CCDC178: variants seen among roughly 807,000 people sequenced by gnomAD.
CCDC178 encodes the protein coiled-coil domain-containing protein 178.
Under a neutral mutation model 117.4 loss-of-function variants are expected in CCDC178, and 126 were observed. The observed-to-expected ratio is 1.07, with a 90% CI of 0.93 to 1.24. CCDC178 has a LOEUF of 1.24. CCDC178 is among the 50% of genes most tolerant of loss of function. The pLI is 0.00. For synonymous variants in CCDC178, 283 were observed against 313.4 expected, an observed-to-expected ratio of 0.90 and a Z score of 1.02; for missense variants, 1,030 against 986.9, an observed-to-expected ratio of 1.04 and a Z score of -0.59.
chr18:32,991,055 A>G (rs938311095), intron 21 of CCDC178, among the ~76,000 whole-genome samples: 2 of 151,762 alleles, frequency 1.3e-5, no homozygotes, highest in African/African-American at 4.8e-5. Flanking sequence ...AGCATTTGCT[A>G]TATGCCAGGC....
intron 5 of CCDC178, among the ~76,000 whole-genome samples, chr18:33,374,099 G>C (rs182854548): frequency 1.3e-5 from 2 of 152,254 alleles, no homozygotes; most frequent in African/African-American, 4.8e-5. Flanking sequence ...GAGAAAAACA[G>C]AGCACAGTGA....
At chr18:33,043,023 G>A (rs185026677) in intron 21 of CCDC178, among the ~76,000 whole-genome samples, 2 of 151,832 alleles carry the variant, frequency 1.3e-5, no homozygotes, top group African/African-American at 4.8e-5. Flanking sequence ...AAAGAAAATC[G>A]AAAGTAAAGC....
Position 33,138,961 on chromosome 18 carries a change from C to T in CCDC178, c.2239-46051G>A, listed in dbSNP as rs142427246. Among the ~76,000 whole-genome samples the T allele has an allele frequency of 5.3e-3, 803 of 152,268 alleles. 7 individuals are homozygous for T. Among genetic ancestry groups the T allele is most frequent in the Non-Finnish European group, 6.2e-3 (423 of 68,024 alleles). On this transcript the variant is annotated intron_variant, in intron 20 of 22. Coordinates refer to ENST00000383096, the MANE Select transcript of CCDC178 (RefSeq NM_001105528.4). The stretch of plus-strand genomic sequence containing the variant: ...GTGATATGGTTTGGCTGTGTCCCCA[C>T]CCAAATCATATCGTGAATTGTAACT...
At chr18:33,087,424 G>A (rs1004852768) in intron 21 of CCDC178, among the ~76,000 whole-genome samples, 4 of 152,130 alleles carry the variant, frequency 2.6e-5, no homozygotes, top group African/African-American at 4.8e-5. Flanking sequence ...CACAGGTCTC[G>A]TGAGGAAAAC....
At chr18:33,300,733 A>G (rs2062166477) in intron 11 of CCDC178, among the ~76,000 whole-genome samples, 1 of 152,202 alleles carries the variant, frequency 6.6e-6, no homozygotes, top group Non-Finnish European at 1.5e-5. Flanking sequence ...AGAAATTTCT[A>G]AGCAGCAAAG....
chr18:32,942,550 C>G (rs1260890580), intron 22 of CCDC178, among the ~76,000 whole-genome samples: 1 of 152,012 alleles, frequency 6.6e-6, no homozygotes, highest in African/African-American at 2.4e-5. Context: ...AGAAACTAGT[C>G]ATGCTGACTG....
At chr18:33,172,639 G>A (rs1391135799) in intron 20 of CCDC178, among the ~76,000 whole-genome samples, 6 of 151,972 alleles carry the variant, frequency 3.9e-5, no homozygotes, top group Non-Finnish European at 7.4e-5. Context: ...TATAACCCTG[G>A]TGCTTTTAGA....
intron 22 of CCDC178, among the ~76,000 whole-genome samples, chr18:32,941,341 A>C (rs1041419911): frequency 3.3e-5 from 5 of 152,104 alleles, no homozygotes; most frequent in African/African-American, 1.2e-4. Flanking sequence ...ATATGAGCTG[A>C]GAGTGAAAAT....
intron 21 of CCDC178, among the ~76,000 whole-genome samples, chr18:32,975,643 C>T (rs1367914410): frequency 6.6e-6 from 1 of 152,004 alleles, no homozygotes; most frequent in Admixed American, 6.6e-5. Context: ...TATGTTTATA[C>T]AATATAATAC....
At chr18:33,061,819 T>G (rs1226026388) in intron 21 of CCDC178, among the ~76,000 whole-genome samples, 1 of 152,162 alleles carries the variant, frequency 6.6e-6, no homozygotes, top group Non-Finnish European at 1.5e-5. Context: ...AGATTTGGCA[T>G]GGTAGACATC....
intron 22 of CCDC178, among the ~76,000 whole-genome samples, chr18:32,944,700 C>T (rs1198137638): frequency 1.3e-5 from 2 of 152,196 alleles, no homozygotes; most frequent in African/African-American, 4.8e-5. Flanking sequence ...TGCGTCCCCA[C>T]CCAAACCTCA....
intron 21 of CCDC178, among the ~76,000 whole-genome samples, chr18:33,079,821 TTGG>T (rs2057269322): frequency 6.6e-6 from 1 of 152,110 alleles, no homozygotes; most frequent in African/African-American, 2.4e-5. Context: ...ACTAATACAC[TTGG>T]TGGGAGTGTA....
chr18:33,077,419 T>C (rs1184400594), intron 21 of CCDC178, among the ~76,000 whole-genome samples: 2 of 152,146 alleles, frequency 1.3e-5, no homozygotes, highest in Non-Finnish European at 2.9e-5. Context: ...CTGAGGTAGC[T>C]GAGCTAAAAA....
intron 20 of CCDC178, among the ~76,000 whole-genome samples, chr18:33,103,610 C>T (rs1034310607): frequency 2.4e-4 from 36 of 151,432 alleles, no homozygotes; most frequent in African/African-American, 8.2e-4. Context: ...TCTTTGTGAG[C>T]TTTGTAAGTA....
chr18:33,081,888 T>C (rs576086466), intron 21 of CCDC178, among the ~76,000 whole-genome samples: 1 of 152,210 alleles, frequency 6.6e-6, no homozygotes, highest in Non-Finnish European at 1.5e-5. Context: ...AAAAGAACAT[T>C]TGTCATTTTC....
At chr18:33,320,417 AC>A (rs1300476104) in intron 11 of CCDC178, among the ~76,000 whole-genome samples, 1 of 152,172 alleles carries the variant, frequency 6.6e-6, no homozygotes, top group African/African-American at 2.4e-5. Context: ...AAATCAATGT[AC>A]AAAAATCACA....
At chr18:33,017,133 A>G (rs2056008540) in intron 21 of CCDC178, among the ~76,000 whole-genome samples, 2 of 152,054 alleles carry the variant, frequency 1.3e-5, no homozygotes, top group South Asian at 2.1e-4. Context: ...AATAAAAGTC[A>G]TTCAGTTTGG....
At chr18:33,240,418 A>G (rs1271714683) in intron 15 of CCDC178, among the ~76,000 whole-genome samples, 1 of 151,796 alleles carries the variant, frequency 6.6e-6, no homozygotes, top group East Asian at 1.9e-4. Context: ...ACAGTACAAA[A>G]ATCAATGGAA....
chr18:33,291,582 T>C (rs968491650), intron 12 of CCDC178, among the ~76,000 whole-genome samples: 3 of 152,142 alleles, frequency 2.0e-5, no homozygotes, highest in Non-Finnish European at 4.4e-5. Context: ...ATTTATATAT[T>C]ATTTCCTTTT....
Sources: allele counts gnomAD v4.1 joint callset (sites outside exome capture counted in the v4.1 genomes callset), GRCh38; gene constraint gnomAD v4.1.1; transcripts MANE v1.5; gene names NCBI Gene and HGNC (gene_info 2026-07-23, HGNC 2026-07-21).